Variants in DLGAP2 observed in about 807,000 individuals in gnomAD.
DLGAP2 encodes DLG associated protein 2.
In DLGAP2, 26 loss-of-function variants were observed where a neutral mutation model predicts 100.3. That is an observed-to-expected ratio of 0.26 (90% CI 0.19 to 0.36). DLGAP2 has a LOEUF of 0.36. DLGAP2 is among the 10% of genes least tolerant of loss of function. The pLI is 1.00. For synonymous variants in DLGAP2, 886 were observed against 630.1 expected, an observed-to-expected ratio of 1.41 and a Z score of -6.08; for missense variants, 1,858 against 1,453.2, an observed-to-expected ratio of 1.28 and a Z score of -4.53.
chr8:1,468,973 G>A (rs551776265), intron 3 of DLGAP2, among the ~76,000 whole-genome samples: 21 of 152,268 alleles, frequency 1.4e-4, no homozygotes, highest in Admixed American at 7.2e-4. Flanking sequence ...CCCTCTGTAC[G>A]ACCTCATCTG....
At chr8:1,206,876 C>G (rs555085049) in intron 2 of DLGAP2, among the ~76,000 whole-genome samples, 1 of 152,300 alleles carries the variant, frequency 6.6e-6, no homozygotes, top group Admixed American at 6.5e-5. Context: ...TTCTCACGAT[C>G]CATCCCTGTC....
At chr8:1,485,622 C>G (rs1799217268) in intron 3 of DLGAP2, among the ~76,000 whole-genome samples, 1 of 152,202 alleles carries the variant, frequency 6.6e-6, no homozygotes, top group Non-Finnish European at 1.5e-5. Flanking sequence ...CGCTTCAGTT[C>G]CCCCTCCCAG....
intron 2 of DLGAP2, among the ~76,000 whole-genome samples, chr8:1,143,324 A>G (rs558008628): frequency 2.6e-5 from 4 of 152,312 alleles, no homozygotes; most frequent in African/African-American, 9.6e-5. Context: ...AATGGGCAAT[A>G]AGGAGAATTT....
At chr8:763,042 C>T (rs1211398997) in intron 1 of DLGAP2, among the ~76,000 whole-genome samples, 1 of 151,036 alleles carries the variant, frequency 6.6e-6, no homozygotes, top group Non-Finnish European at 1.5e-5. Context: ...CAATACTTCA[C>T]GAGTTATTCA....
At chr8:1,069,496 A>C (rs1454838441) in intron 2 of DLGAP2, among the ~76,000 whole-genome samples, 1 of 152,070 alleles carries the variant, frequency 6.6e-6, no homozygotes, top group Non-Finnish European at 1.5e-5. Context: ...GGGGACTTGC[A>C]TTTTTGCTTT....
chr8:1,104,388 G>A (rs1274783781), intron 2 of DLGAP2, among the ~76,000 whole-genome samples: 4 of 152,160 alleles, frequency 2.6e-5, no homozygotes, highest in South Asian at 4.1e-4. Flanking sequence ...CCTGGGAGAG[G>A]GTTCCAGCCA....
chr8:1,697,490 T>G (rs1289473062), intron 14 of DLGAP2, among the ~76,000 whole-genome samples, 191 bp downstream of exon 14: 2 of 152,086 alleles, frequency 1.3e-5, no homozygotes, highest in African/African-American at 2.4e-5. Flanking sequence ...GTGCCGAAAA[T>G]GGGGCAGAAT....
chr8:1,043,326 G>A (rs1354260378), intron 2 of DLGAP2, among the ~76,000 whole-genome samples: 1 of 102,396 alleles, frequency 9.8e-6, no homozygotes, highest in Non-Finnish European at 2.3e-5. Context: ...GGACGTGGGT[G>A]ATGGGTGTGG....
intron 1 of DLGAP2, among the ~76,000 whole-genome samples, chr8:856,812 A>G (rs920599747): frequency 1.3e-5 from 2 of 152,266 alleles, no homozygotes; most frequent in Non-Finnish European, 2.9e-5. Context: ...AACGTGTTCT[A>G]TACATTCAGC....
At chr8:977,380 C>T (rs1016906852) in intron 2 of DLGAP2, among the ~76,000 whole-genome samples, 4 of 152,212 alleles carry the variant, frequency 2.6e-5, no homozygotes, top group Admixed American at 6.5e-5. Context: ...ATTTTATGTG[C>T]AAATGAGTGG....
At position 1,154,567 on chromosome 8, in the gene DLGAP2, C is replaced by T. The variant is rs1408001786; in HGVS notation, c.74-104284C>T. On this transcript the variant is annotated intron_variant, in intron 2 of 14. Coordinates refer to ENST00000637795, the MANE Select transcript of DLGAP2 (RefSeq NM_001346810.2). ...TTTTCATTTATTTTCTGCTAAGTTT[C>T]TTGTTTCTTTTCTTCTTTCATCGCA... is the stretch of plus-strand genomic sequence containing the variant. Among the ~76,000 whole-genome samples the T allele has an allele frequency of 2.6e-5, 4 of 152,206 alleles. No homozygotes were observed. The East Asian group carries it at 7.7e-4, about 29-fold the overall frequency.
intron 2 of DLGAP2, among the ~76,000 whole-genome samples, chr8:1,057,110 A>G (rs951344626): frequency 6.6e-6 from 1 of 152,228 alleles, no homozygotes; most frequent in Non-Finnish European, 1.5e-5. Context: ...TAAAATTATT[A>G]CTGCAGAGTT....
chr8:1,308,032 A>G (rs1449638965), intron 3 of DLGAP2, among the ~76,000 whole-genome samples: 1 of 152,200 alleles, frequency 6.6e-6, no homozygotes, highest in Non-Finnish European at 1.5e-5. Flanking sequence ...TTCCAAAAAG[A>G]ACCCATGTAC....
chr8:1,678,406 C>T lies in DLGAP2; in HGVS notation c.2481C>T (p.Phe827=). Reference sequence around the variant, plus strand: ...GAACTGTACGGACCCAGGGGCTCTTCAGCTATAGAGAAGACTATCGGACCC... The same window carrying T: ...GAACTGTACGGACCCAGGGGCTCTTTAGCTATAGAGAAGACTATCGGACCC... The part of the protein sequence containing the change: ...AVRTVRTQGL[F]SYREDYRTQV... Residue 827 remains phenylalanine, a synonymous_variant, in exon 12 of 15, where the codon TTC becomes TTT. Transcript: ENST00000637795. The T allele has an allele frequency of 6.2e-7, 1 of 1,613,856 alleles. No individual in the cohort carries two copies. The highest frequency in any genetic ancestry group is 8.5e-7 in the Non-Finnish European group (1 of 1,179,818).
chr8:1,548,682 G>C lies in DLGAP2; in HGVS notation c.229G>C (p.Ala77Pro). The C allele has an allele frequency of 6.2e-7, 1 of 1,602,428 alleles. No homozygotes were observed. Among genetic ancestry groups the C allele is most frequent in the Non-Finnish European group, 8.5e-7 (1 of 1,175,880 alleles). ...QHFNEERYSPAPRSMKGLSGS... is the reference protein window; with the variant it reads ...QHFNEERYSPPPRSMKGLSGS... ...CTTCAATGAGGAGCGCTACTCGCCC[G>C]CGCCCAGGAGCATGAAGGGCCTTTC... is the stretch of plus-strand genomic sequence containing the variant. Residue 77 changes from alanine to proline, a missense_variant, in exon 5 of 15, where the codon GCG becomes CCG. Transcript: ENST00000637795.
At chr8:947,207 G>A (rs1369279355) in intron 2 of DLGAP2, among the ~76,000 whole-genome samples, 1 of 152,138 alleles carries the variant, frequency 6.6e-6, no homozygotes, top group Admixed American at 6.5e-5. Context: ...CCAGGAGCCC[G>A]GGGAGCTGCA....
intron 3 of DLGAP2, among the ~76,000 whole-genome samples, chr8:1,389,209 T>G (rs1299826849): frequency 6.6e-6 from 1 of 151,730 alleles, no homozygotes; most frequent in Non-Finnish European, 1.5e-5. Context: ...TTATGGGAAA[T>G]GCCATAATGG....
At chr8:1,564,890 A>G (rs917559495) in intron 5 of DLGAP2, among the ~76,000 whole-genome samples, 3 of 152,118 alleles carry the variant, frequency 2.0e-5, no homozygotes, top group African/African-American at 7.2e-5. Flanking sequence ...ATGGTTGCTC[A>G]GGTCTGCACC....
In DLGAP2 at chr8:1,361,324, T is replaced by G. The variant is rs186065027; in HGVS notation, c.106+102441T>G. Among the ~76,000 whole-genome samples the G allele has an allele frequency of 6.2e-4, 94 of 152,348 alleles. 1 individual carries two copies. Among genetic ancestry groups the G allele is most frequent in the East Asian group, 4.8e-3 (25 of 5,186 alleles). On this transcript the variant is annotated intron_variant, in intron 3 of 14. Coordinates refer to ENST00000637795, the MANE Select transcript of DLGAP2 (RefSeq NM_001346810.2). ...CCAACACACAACTTTAGAGTAGACTTTTATCCCTCCACAGTCTCTACTTCA... is the reference window on the plus strand; with the variant it reads ...CCAACACACAACTTTAGAGTAGACTGTTATCCCTCCACAGTCTCTACTTCA...
Sources: allele counts gnomAD v4.1 joint callset (sites outside exome capture counted in the v4.1 genomes callset), GRCh38; gene constraint gnomAD v4.1.1; transcripts MANE v1.5; gene names NCBI Gene and HGNC (gene_info 2026-07-23, HGNC 2026-07-21).